Variants in TMEM108 observed in about 807,000 individuals in gnomAD.
TMEM108 encodes cancer/testis antigen 124.
In TMEM108, 12 loss-of-function variants were observed where a neutral mutation model predicts 35.1. That is an observed-to-expected ratio of 0.34 (90% CI 0.22 to 0.55). The LOEUF is 0.55. Ranked by LOEUF, TMEM108 falls within the 20% of genes least tolerant of loss-of-function variation. TMEM108 has a pLI of 0.89. For synonymous variants in TMEM108, 287 were observed against 308.6 expected (o/e 0.93, Z 0.73); for missense variants, 680 against 753.3 (o/e 0.90, Z 1.14).
chr3:133,347,182 G>A lies in TMEM108; in HGVS notation c.41-32570G>A, dbSNP rs550485836. ...AATATCCATAAAATAACTTGCTTTGGGATTTTTATTGAGATTTTGTTGAAT... is the reference window on the plus strand; with the variant it reads ...AATATCCATAAAATAACTTGCTTTGAGATTTTTATTGAGATTTTGTTGAAT... On this transcript the variant is annotated intron_variant, in intron 3 of 5. Transcript: ENST00000321871. Among the ~76,000 whole-genome samples, 4 of 152,064 alleles carry A rather than the reference G, an allele frequency of 2.6e-5. No homozygotes were observed. The East Asian group carries it at 5.8e-4, about 22-fold the overall frequency.
intron 3 of TMEM108, among the ~76,000 whole-genome samples, chr3:133,263,982 G>T (rs1343077939): frequency 6.6e-6 from 1 of 152,146 alleles, no homozygotes; most frequent in African/African-American, 2.4e-5. Context: ...GGAAGTAGAA[G>T]TGAAAATTTT....
At chr3:133,344,076 T>A (rs2107753357) in intron 3 of TMEM108, among the ~76,000 whole-genome samples, 1 of 152,042 alleles carries the variant, frequency 6.6e-6, no homozygotes, top group South Asian at 2.1e-4. Flanking sequence ...GGAACCACTG[T>A]TACAGATGAT....
At chr3:133,099,637 A>T (rs1043390781) in intron 2 of TMEM108, among the ~76,000 whole-genome samples, 1 of 152,186 alleles carries the variant, frequency 6.6e-6, no homozygotes, top group Admixed American at 6.5e-5. Context: ...CTTCCCCCAG[A>T]TACCCTAAAT....
chr3:133,338,467 C>G (rs951139231), intron 3 of TMEM108, among the ~76,000 whole-genome samples: 1 of 151,922 alleles, frequency 6.6e-6, no homozygotes, highest in Admixed American at 6.6e-5. Flanking sequence ...AAATATACTC[C>G]AAACCTGAAG....
chr3:133,163,227 G>C (rs7641817), intron 2 of TMEM108, among the ~76,000 whole-genome samples: 1 of 151,944 alleles, frequency 6.6e-6, no homozygotes, highest in African/African-American at 2.4e-5. Context: ...GATGGGCTAC[G>C]GGCTTCTTGC....
intron 2 of TMEM108, among the ~76,000 whole-genome samples, chr3:133,175,879 A>G (rs1022112991): frequency 2.6e-5 from 4 of 152,238 alleles, no homozygotes; most frequent in South Asian, 2.1e-4. Flanking sequence ...AGACTGGCAA[A>G]TTGGATAAAG....
At chr3:133,343,389 A>G (rs1034629332) in intron 3 of TMEM108, among the ~76,000 whole-genome samples, 3 of 151,912 alleles carry the variant, frequency 2.0e-5, no homozygotes, top group African/African-American at 7.2e-5. Context: ...AATTGAAAAT[A>G]TATGTTCTAC....
At chr3:133,222,084 G>A (rs72976127) in intron 2 of TMEM108, among the ~76,000 whole-genome samples, 2,993 of 152,208 alleles carry the variant, frequency 0.02, 112 homozygotes, top group African/African-American at 0.067. Flanking sequence ...CCCTTTAGCA[G>A]TTCTTGTAAG....
chr3:133,262,121 A>C (rs905094177), intron 3 of TMEM108, among the ~76,000 whole-genome samples: 3 of 152,194 alleles, frequency 2.0e-5, no homozygotes, highest in East Asian at 1.9e-4. Context: ...CACTCAGCAT[A>C]GTCTCATACA....
chr3:133,108,701 A>G (rs150660248), intron 2 of TMEM108, among the ~76,000 whole-genome samples: 3 of 152,128 alleles, frequency 2.0e-5, no homozygotes, highest in African/African-American at 7.2e-5. Flanking sequence ...CATGGATGAA[A>G]CTGGAAACCA....
chr3:133,055,112 A>G (rs1410446505), intron 2 of TMEM108, among the ~76,000 whole-genome samples: 1 of 152,170 alleles, frequency 6.6e-6, no homozygotes, highest in East Asian at 1.9e-4. Context: ...GAAGATCCCC[A>G]TCCCCTGTAT....
intron 2 of TMEM108, among the ~76,000 whole-genome samples, chr3:133,084,205 C>T (rs1385472058): frequency 2.0e-5 from 3 of 152,102 alleles, no homozygotes; most frequent in Non-Finnish European, 4.4e-5. Flanking sequence ...TCAGCTTCAA[C>T]ATTTACCCAC....
At chr3:133,063,585 GA>G in intron 2 of TMEM108, among the ~76,000 whole-genome samples, 2 of 152,258 alleles carry the variant, frequency 1.3e-5, no homozygotes, top group Admixed American at 1.3e-4. Context: ...AAGAGGAATG[GA>G]AAGAGCCATA....
At chr3:133,117,872 G>A (rs1462192115) in intron 2 of TMEM108, among the ~76,000 whole-genome samples, 2 of 152,090 alleles carry the variant, frequency 1.3e-5, no homozygotes, top group African/African-American at 4.8e-5. Flanking sequence ...GTTGCTTTTT[G>A]GAGTAATCAG....
chr3:133,076,679 T>C (rs573213699), intron 2 of TMEM108, among the ~76,000 whole-genome samples: 1 of 152,364 alleles, frequency 6.6e-6, no homozygotes, highest in Non-Finnish European at 1.5e-5. Context: ...TTAGAACTGA[T>C]TACCTTTTCA....
At chr3:133,223,048 T>A (rs1047674527) in intron 2 of TMEM108, among the ~76,000 whole-genome samples, 1 of 152,144 alleles carries the variant, frequency 6.6e-6, no homozygotes, top group African/African-American at 2.4e-5. Flanking sequence ...GTTATACAAT[T>A]ATTTGAATTC....
rs905081216 is a variant in TMEM108, at chr3:133,179,736, A to G, written c.-46-49530A>G. ...ATGAGTTACTGGGTGCAGCACACCA[A>G]CATGGCACATGTATACATATGTAAC... is the stretch of plus-strand genomic sequence containing the variant. On this transcript the variant is annotated intron_variant, in intron 2 of 5. Coordinates refer to ENST00000321871, the MANE Select transcript of TMEM108 (RefSeq NM_023943.4). 1.4e-4 allele frequency among the ~76,000 whole-genome samples: 21 copies of G among 152,284 alleles called. No homozygotes were observed. The East Asian group carries it at 3.3e-3, about 24-fold the overall frequency.
At chr3:133,352,474 C>T (rs894563605) in intron 3 of TMEM108, among the ~76,000 whole-genome samples, 3 of 152,156 alleles carry the variant, frequency 2.0e-5, no homozygotes, top group Admixed American at 2.0e-4. Flanking sequence ...GTTAAGAGCT[C>T]AGCCCCACAA....
rs374282170 is a variant in TMEM108 at position 133,299,762 on chromosome 3, A to T, written c.40+70411A>T. On this transcript the variant is annotated intron_variant, in intron 3 of 5. Transcript: ENST00000321871. ...CCATCATACGTCTTCAACCCAACAC[A>T]CACACACTCTTCTGGCAGAGGGACG... Among the ~76,000 whole-genome samples the T allele has an allele frequency of 2.1e-4, 32 of 152,236 alleles. No individual in the cohort carries two copies. In the South Asian group the frequency reaches 6.2e-3, roughly 30 times the overall value.
Sources: gnomAD v4.1 joint callset for allele counts (sites outside exome capture counted in the v4.1 genomes callset) on GRCh38, gnomAD v4.1.1 for gene constraint, MANE v1.5 for transcripts, NCBI Gene and HGNC (gene_info 2026-07-23, HGNC 2026-07-21) for gene names.